Variants in GOLGA4 observed in about 807,000 individuals in gnomAD.
The protein encoded by GOLGA4 is golgin subfamily A member 4.
GOLGA4 carries 169 observed loss-of-function variants against 265.9 expected under a neutral mutation model. The ratio of observed to expected loss-of-function variants is 0.64; its 90% confidence interval spans 0.56 to 0.72. GOLGA4 has a LOEUF of 0.72. Ranked by LOEUF, GOLGA4 falls within the 30% of genes least tolerant of loss-of-function variation. The pLI, the probability that GOLGA4 is intolerant of heterozygous loss-of-function variation, is 0.00. For synonymous variants in GOLGA4, 923 were observed against 855.8 expected (o/e 1.08, Z -1.37); for missense variants, 2,482 against 2,483.4 (o/e 1.00, Z 0.01).
At chr3:37,260,949 T>C (rs1218186411) in intron 2 of GOLGA4, among the ~76,000 whole-genome samples, 1 of 151,758 alleles carries the variant, frequency 6.6e-6, no homozygotes, top group Non-Finnish European at 1.5e-5. Flanking sequence ...GGAGGAATGC[T>C]TGAACCCAGG....
intron 2 of GOLGA4, among the ~76,000 whole-genome samples, chr3:37,272,785 G>T (rs751471750): frequency 6.6e-5 from 10 of 152,254 alleles, no homozygotes; most frequent in African/African-American, 2.2e-4. Context: ...GAATATTTTT[G>T]TTTAAAACAT....
chr3:37,243,762 A>G, intron 1 of GOLGA4, 140 bp downstream of exon 1: 1 of 674,686 alleles, frequency 1.5e-6, no homozygotes. Context: ...CCGGACCCAG[A>G]AGGAGCTCCG....
chr3:37,279,606 T>C (rs2096829130), intron 2 of GOLGA4, among the ~76,000 whole-genome samples: 1 of 151,980 alleles, frequency 6.6e-6, no homozygotes, highest in Non-Finnish European at 1.5e-5. Flanking sequence ...TTGTTGAAAA[T>C]GTTAAAAAGT....
At chr3:37,347,114 T>C (rs1215001788) in intron 20 of GOLGA4, 79 bp from the exon 21 acceptor site, 5 of 831,150 alleles carry the variant, frequency 6.0e-6, no homozygotes, top group Non-Finnish European at 1.0e-5. Flanking sequence ...ATTGGTTGTT[T>C]TTTAAATCTA....
chr3:37,328,068 G>A (rs1481538494), intron 14 of GOLGA4, among the ~76,000 whole-genome samples: 2 of 151,886 alleles, frequency 1.3e-5, no homozygotes, highest in East Asian at 3.9e-4. Context: ...CTGGTTATTA[G>A]GGACATATCC....
chr3:37,251,056 A>G (rs2096732314), intron 1 of GOLGA4, among the ~76,000 whole-genome samples: 1 of 151,976 alleles, frequency 6.6e-6, no homozygotes, highest in Non-Finnish European at 1.5e-5. Flanking sequence ...TAGTGCAGAG[A>G]GTTTTTATAT....
intron 23 of GOLGA4, among the ~76,000 whole-genome samples, chr3:37,364,863 G>C (rs1265194299): frequency 6.6e-6 from 1 of 151,674 alleles, no homozygotes; most frequent in African/African-American, 2.4e-5. Flanking sequence ...AAAGTGCTGG[G>C]ATTATAGGCA....
intron 2 of GOLGA4, among the ~76,000 whole-genome samples, chr3:37,281,161 A>G (rs1483624299): frequency 6.6e-6 from 1 of 152,194 alleles, no homozygotes; most frequent in Non-Finnish European, 1.5e-5. Flanking sequence ...ATTAGGTCAT[A>G]TTATTTTTCA....
intron 10 of GOLGA4, among the ~76,000 whole-genome samples, chr3:37,303,746 C>T (rs1221007177): frequency 6.6e-6 from 1 of 152,188 alleles, no homozygotes; most frequent in African/African-American, 2.4e-5. Flanking sequence ...GTGGTAACAG[C>T]AGCAGCTGCT....
chr3:37,256,048 G>A (rs2096747764), intron 2 of GOLGA4, among the ~76,000 whole-genome samples: 2 of 152,228 alleles, frequency 1.3e-5, no homozygotes, highest in Non-Finnish European at 2.9e-5. Context: ...CCCAGGAAAT[G>A]GTTTTTCAAT....
chr3:37,300,418 A>G (rs11716746), intron 9 of GOLGA4, among the ~76,000 whole-genome samples: 11,339 of 152,070 alleles, frequency 0.075, 628 homozygotes, highest in Admixed American at 0.14. Context: ...TGTATTGGCA[A>G]TCTTTTTCAT....
intron 2 of GOLGA4, among the ~76,000 whole-genome samples, chr3:37,257,433 A>C (rs906970239): frequency 6.6e-6 from 1 of 152,226 alleles, no homozygotes; most frequent in Middle Eastern, 3.4e-3. Context: ...TATTAAAGTT[A>C]ACTTTTCAGT....
chr3:37,287,720 A>G (rs1169112828), intron 4 of GOLGA4: 1 of 152,240 alleles, frequency 6.6e-6, no homozygotes, highest in African/African-American at 2.4e-5. Flanking sequence ...ATGTTCCTGC[A>G]TTTAAAATTT....
chr3:37,289,246 T>G lies in GOLGA4; in HGVS notation c.537T>G (p.Ser179Arg). 1 of 1,592,036 alleles carries G rather than the reference T, an allele frequency of 6.3e-7. No individual in the cohort carries two copies. The highest frequency in any genetic ancestry group is 8.6e-7 in the Non-Finnish European group (1 of 1,162,774). The change falls in exon 5 of 24, where the codon AGT (serine) becomes AGG (arginine). Residue 179 changes from serine to arginine, a missense_variant. Ser to Arg is a moderately radical substitution (Grantham distance 110). Around this residue, in one of 3 missense-constraint regions of GOLGA4, gnomAD observed 1,536 missense variants for 1,483.7 expected, o/e 1.04. Coordinates refer to ENST00000361924, the MANE Select transcript of GOLGA4 (RefSeq NM_002078.5). ...TCTCTCAATTAAAGGGTATATTAAG[T>G]CAGAGTCAGGATAAATCACTTCGGA... ...REKKKLQGIL[S>R]QSQDKSLRRI...
At position 37,323,732 on chromosome 3, in the gene GOLGA4, T is replaced by C. The variant is rs1462377154; in HGVS notation, c.1846T>C (p.Leu616=). 3 of 1,613,586 alleles carry C rather than the reference T, an allele frequency of 1.9e-6. No individual in the cohort carries two copies. Among genetic ancestry groups the C allele is most frequent in the East Asian group, 2.2e-5 (1 of 44,850 alleles). ...CATGGTTGAAAAACACAAGACAGAA[T>C]TGGAAAGCCTTAAGCATCAGCAGGA... ...TVMVEKHKTE[L]ESLKHQQDAL... is the part of the protein sequence containing the mutation. Residue 616 remains leucine (L), a synonymous_variant, in exon 14 of 24, where the codon TTG becomes CTG. Transcript: ENST00000361924.
intron 2 of GOLGA4, among the ~76,000 whole-genome samples, chr3:37,281,052 C>T (rs2096833365): frequency 6.6e-6 from 1 of 152,142 alleles, no homozygotes; most frequent in Admixed American, 6.6e-5. Flanking sequence ...ATCTTAGTGA[C>T]CCGGTTGTTA....
intron 2 of GOLGA4, among the ~76,000 whole-genome samples, chr3:37,259,018 C>G (rs771444590): frequency 6.6e-6 from 1 of 152,026 alleles, no homozygotes; most frequent in African/African-American, 2.4e-5. Flanking sequence ...GTGTTCACCT[C>G]TCTTGTATTT....
At chr3:37,357,591 T>C (rs2097093991) in intron 22 of GOLGA4, among the ~76,000 whole-genome samples, 1 of 152,196 alleles carries the variant, frequency 6.6e-6, no homozygotes, top group Non-Finnish European at 1.5e-5. Context: ...CTTTTGTCAA[T>C]TTAAGGAGAT....
intron 7 of GOLGA4, among the ~76,000 whole-genome samples, chr3:37,297,742 C>CG (rs1218559723): frequency 6.6e-6 from 1 of 151,928 alleles, no homozygotes; most frequent in Non-Finnish European, 1.5e-5. Context: ...AGAATACACT[C>CG]CTGGTGGGGC....
Sources: gnomAD v4.1 joint callset for allele counts (sites outside exome capture counted in the v4.1 genomes callset) on GRCh38, gnomAD v4.1.1 for gene constraint, gnomAD v4.1.1 regional missense constraint, MANE v1.5 for transcripts, NCBI Gene and HGNC (gene_info 2026-07-23, HGNC 2026-07-21) for gene names.